The following PRH1 variants were observed in gnomAD, a reference collection of about 807,000 sequenced individuals.
PRH1 encodes the protein proline rich protein HaeIII subfamily 1.
Under a neutral mutation model 7.9 loss-of-function variants are expected in PRH1, and 7 were observed. The observed-to-expected ratio is 0.89, with a 90% confidence interval of 0.50 to 1.67. The LOEUF (loss-of-function observed/expected upper bound fraction) is 1.67, where lower values mean the gene tolerates loss of function less well. Ranked by LOEUF, PRH1 falls within the 40% of genes most tolerant of loss-of-function variation. The pLI, the probability that PRH1 is intolerant of heterozygous loss-of-function variation, is 0.00. For synonymous variants in PRH1, 45 were observed against 80.8 expected, an observed-to-expected ratio of 0.56 and a Z score of 2.38; for missense variants, 109 against 223.6, an observed-to-expected ratio of 0.49 and a Z score of 3.27.
chr12:10,996,843 C>G, intron 1 of PRH1: 1 of 1,149,084 alleles, frequency 8.7e-7, no homozygotes, highest in Non-Finnish European at 1.2e-6. Context: ...TTGGAAATTA[C>G]TCAAATACAT....
At position 11,133,910 on chromosome 12, in the gene PRH1, T is replaced by C. The variant is rs374652381; in HGVS notation, n.40-12730A>G. The C allele has an allele frequency of 1.3e-5, 21 of 1,614,078 alleles. No homozygotes were observed. The highest frequency in any genetic ancestry group is 1.7e-5 in the Non-Finnish European group (20 of 1,179,972). ...GCGAAGAAAAATAAGGTTGGAGAAA[T>C]TGGCAATCCTGAGCAAATAAAACAT... On this transcript the variant is annotated intron_variant and non_coding_transcript_variant, in intron 1 of 1. Transcript: ENST00000541175.
At chr12:11,065,717 G>A (rs1228853650) in intron 1 of PRH1, among the ~76,000 whole-genome samples, 1 of 152,148 alleles carries the variant, frequency 6.6e-6, no homozygotes, top group East Asian at 1.9e-4. Flanking sequence ...TTAAAAAATA[G>A]TTTTTGTAAA....
At chr12:10,922,091 C>A (rs1225374078) in intron 2 of PRH1, among the ~76,000 whole-genome samples, 4 of 152,136 alleles carry the variant, frequency 2.6e-5, no homozygotes, top group African/African-American at 4.8e-5. Context: ...TCTTTAAAAA[C>A]CAAAGGGAAT....
At chr12:11,091,423 G>C (rs1361422566) in intron 1 of PRH1, 2 of 1,253,440 alleles carry the variant, frequency 1.6e-6, no homozygotes, top group South Asian at 2.3e-5. Flanking sequence ...AAGGATAGCT[G>C]AATCTAATAG....
intron 1 of PRH1, among the ~76,000 whole-genome samples, chr12:11,136,598 A>G (rs1389353233): frequency 6.6e-6 from 1 of 152,216 alleles, no homozygotes; most frequent in East Asian, 1.9e-4. Context: ...TGCCATTTGC[A>G]TATGTCTTAT....
intron 1 of PRH1, among the ~76,000 whole-genome samples, chr12:11,075,830 A>AT (rs1944265124): frequency 7.4e-6 from 1 of 135,288 alleles, no homozygotes; most frequent in Non-Finnish European, 1.7e-5. Context: ...TTTTGTCAAG[A>AT]GTTTCGTTTT....
At chr12:10,948,026 C>G (rs114167037) in intron 2 of PRH1, among the ~76,000 whole-genome samples, 3,011 of 152,224 alleles carry the variant, frequency 0.02, 35 homozygotes, top group South Asian at 0.031. Flanking sequence ...TCCCTTTGTA[C>G]GTGACCTGCC....
At chr12:11,167,514 G>A (rs1012726202) in intron 1 of PRH1, among the ~76,000 whole-genome samples, 4 of 149,544 alleles carry the variant, frequency 2.7e-5, no homozygotes, top group Non-Finnish European at 5.9e-5. Flanking sequence ...GCCCCATCTC[G>A]GCTCACTGCA....
chr12:11,141,911 T>C (rs929349126), intron 1 of PRH1, among the ~76,000 whole-genome samples: 7 of 152,160 alleles, frequency 4.6e-5, no homozygotes, highest in Admixed American at 3.3e-4. Context: ...CCTCACCTTC[T>C]GGAGTAGCTG....
chr12:11,168,052 C>G (rs903587239), intron 1 of PRH1, among the ~76,000 whole-genome samples: 1 of 151,432 alleles, frequency 6.6e-6, no homozygotes, highest in African/African-American at 2.4e-5. Context: ...AAATGTGTTT[C>G]ATTGTCTAAA....
chr12:10,914,910 C>CAAGGTCAGGAGA (rs1949951972), intron 2 of PRH1, among the ~76,000 whole-genome samples: 1 of 152,154 alleles, frequency 6.6e-6, no homozygotes, highest in African/African-American at 2.4e-5. Flanking sequence ...AGGTGCATCA[C>CAAGGTCAGGAGA]AAGGTCAGGA....
chr12:10,913,948 A>T (rs1949937161), intron 2 of PRH1, among the ~76,000 whole-genome samples: 1 of 152,224 alleles, frequency 6.6e-6, no homozygotes, highest in Non-Finnish European at 1.5e-5. Flanking sequence ...AGCTTTGGGG[A>T]TCTTGTTAGT....
At chr12:11,066,469 T>C (rs559137028) in intron 1 of PRH1, among the ~76,000 whole-genome samples, 1 of 152,120 alleles carries the variant, frequency 6.6e-6, no homozygotes, top group African/African-American at 2.4e-5. Context: ...TTAAGCAATA[T>C]ATTGTAAAAT....
At chr12:11,023,401 T>C (rs2136078594) in intron 1 of PRH1, among the ~76,000 whole-genome samples, 1 of 152,334 alleles carries the variant, frequency 6.6e-6, no homozygotes, top group South Asian at 2.1e-4. Context: ...TTCTCAAGCT[T>C]AGGCCTTTGG....
intron 2 of PRH1, among the ~76,000 whole-genome samples, chr12:10,943,671 C>T (rs1295478366): frequency 6.6e-6 from 1 of 152,018 alleles, no homozygotes; most frequent in East Asian, 1.9e-4. Flanking sequence ...ATGGTATTGC[C>T]TAGGTTGTCT....
At chr12:10,986,848 G>C in intron 1 of PRH1, 1 of 1,534,022 alleles carries the variant, frequency 6.5e-7, no homozygotes, top group Non-Finnish European at 8.7e-7. Context: ...AAAATGTATA[G>C]AAAAGTTATC....
chr12:11,088,846 G>A lies in PRH1; in HGVS notation n.124-41658C>T, dbSNP rs1271142192. On this transcript the variant is annotated intron_variant and non_coding_transcript_variant, in intron 1 of 4. Coordinates refer to the PRH1 transcript ENST00000541977. ...GTGGTCATTATAGGACTCTGTGCAT[G>A]TCTCTGACAAGCCTGTAGGAGACAG... 1.8e-5 allele frequency among the ~76,000 whole-genome samples: 2 copies of A among 108,834 alleles called. 1 individual carries two copies. Among genetic ancestry groups the A allele is most frequent in the East Asian group, 4.5e-4 (2 of 4,480 alleles). 71.4% of individuals were successfully genotyped at this position (108,834 alleles called of 152,430 possible). A position where few individuals can be genotyped will look rare whatever the true frequency, so the allele number is the denominator to read the frequency against.
At chr12:11,157,078 C>T (rs972826986) in intron 1 of PRH1, among the ~76,000 whole-genome samples, 6 of 152,044 alleles carry the variant, frequency 3.9e-5, no homozygotes, top group South Asian at 2.1e-4. Flanking sequence ...GATCTCCTGA[C>T]CTCGTGATCT....
At chr12:11,074,987 GAT>G (rs1944236365) in intron 1 of PRH1, among the ~76,000 whole-genome samples, 3 of 151,148 alleles carry the variant, frequency 2.0e-5, no homozygotes, top group Non-Finnish European at 3.0e-5. Context: ...TCAACATCAT[GAT>G]ACATGGTTTT....
Sources: allele counts gnomAD v4.1 joint callset (sites outside exome capture counted in the v4.1 genomes callset), GRCh38; gene constraint gnomAD v4.1.1; transcripts MANE v1.5; gene names NCBI Gene and HGNC (gene_info 2026-07-23, HGNC 2026-07-21).